KIAA1958: variants seen among roughly 807,000 people sequenced by gnomAD.
KIAA1958 encodes uncharacterized protein KIAA1958.
Under a neutral mutation model 47.2 loss-of-function variants are expected in KIAA1958, and 14 were observed. The ratio of observed to expected loss-of-function variants is 0.30; its 90% CI spans 0.20 to 0.46. KIAA1958 has a LOEUF of 0.46. Among genes scored for constraint, KIAA1958 ranks in the 20% least tolerant of loss-of-function variants. KIAA1958 has a pLI of 1.00. For synonymous variants in KIAA1958, 354 were observed against 353.3 expected, an observed-to-expected ratio of 1.00 and a Z score of -0.02; for missense variants, 803 against 909.2, an observed-to-expected ratio of 0.88 and a Z score of 1.50.
intron 2 of KIAA1958, among the ~76,000 whole-genome samples, chr9:112,627,343 G>A (rs990861329): frequency 6.6e-6 from 1 of 152,166 alleles, no homozygotes; most frequent in African/African-American, 2.4e-5. Flanking sequence ...AATGACTAGC[G>A]GTAGAATTTC....
At chr9:112,611,679 A>G (rs889634674) in intron 2 of KIAA1958, among the ~76,000 whole-genome samples, 2 of 152,124 alleles carry the variant, frequency 1.3e-5, no homozygotes, top group Non-Finnish European at 2.9e-5. Context: ...CTTAGTATAC[A>G]TTTAATTTTA....
intron 3 of KIAA1958, among the ~76,000 whole-genome samples, chr9:112,657,268 T>A (rs936871556): frequency 6.6e-6 from 1 of 151,812 alleles, no homozygotes; most frequent in African/African-American, 2.4e-5. Context: ...AATTTTTGTA[T>A]TTTTTTAGTA....
rs564763879 is a variant in KIAA1958 at position 112,636,796 on chromosome 9, A to G, written c.1172-8854A>G. The stretch of plus-strand genomic sequence containing the variant: ...AGGTGTATTTTTCCCCCAGGAGAAT[A>G]TAGCTGAATATTGTTCCTTTGCCCA... On this transcript the variant is annotated intron_variant, in intron 2 of 3. Coordinates refer to ENST00000337530, the MANE Select transcript of KIAA1958 (RefSeq NM_133465.4). 3.3e-5 allele frequency among the ~76,000 whole-genome samples: 5 copies of G among 152,268 alleles called. No homozygotes were observed. The South Asian group carries it at 6.2e-4, about 19-fold the overall frequency.
At chr9:112,635,860 A>G (rs1836796679) in intron 2 of KIAA1958, among the ~76,000 whole-genome samples, 1 of 151,626 alleles carries the variant, frequency 6.6e-6, no homozygotes, top group Non-Finnish European at 1.5e-5. Context: ...TTATTGATTT[A>G]TGTTCTTAAT....
intron 1 of KIAA1958, among the ~76,000 whole-genome samples, chr9:112,488,719 T>C (rs963309474): frequency 4.6e-5 from 7 of 152,234 alleles, no homozygotes; most frequent in Non-Finnish European, 8.8e-5. Context: ...AAATTATGTA[T>C]TTAAATTTTC....
chr9:112,594,634 G>A (rs1347110240), intron 2 of KIAA1958, among the ~76,000 whole-genome samples: 1 of 152,178 alleles, frequency 6.6e-6, no homozygotes, highest in Non-Finnish European at 1.5e-5. Flanking sequence ...AGGAAGTGAT[G>A]GGTATTTGGG....
rs186189538 is a variant in KIAA1958 at position 112,627,663 on chromosome 9, A to G, written c.1172-17987A>G. ...CAGCTACTTGGGAGGCTGAGGCAGG[A>G]GCATTGCTTGAGCCTGGGAGGTGGA... On this transcript the variant is annotated intron_variant, in intron 2 of 3. Coordinates refer to ENST00000337530, the MANE Select transcript of KIAA1958 (RefSeq NM_133465.4). Among the ~76,000 whole-genome samples, 49 of 152,334 alleles carry G rather than the reference A, an allele frequency of 3.2e-4. No individual in the cohort carries two copies. The East Asian group carries it at 8.9e-3, about 28-fold the overall frequency.
chr9:112,573,879 T>G (rs1201844935), intron 1 of KIAA1958, among the ~76,000 whole-genome samples, 178 bp from the exon 2 acceptor site: 1 of 152,196 alleles, frequency 6.6e-6, no homozygotes, highest in Non-Finnish European at 1.5e-5. Context: ...CAGCTGTTTT[T>G]ACTTTTCCTG....
chr9:112,503,574 A>T (rs532125495), intron 1 of KIAA1958, among the ~76,000 whole-genome samples: 1 of 140,476 alleles, frequency 7.1e-6, no homozygotes, highest in South Asian at 2.3e-4. Context: ...CTGTGTTCAT[A>T]CCACTGTACT....
In KIAA1958 at chr9:112,510,120, T is replaced by A. The variant is rs879417010; in HGVS notation, c.-25+23002T>A. 3.1e-3 allele frequency among the ~76,000 whole-genome samples: 468 copies of A among 152,292 alleles called. 5 individuals are homozygous for A. The highest frequency in any genetic ancestry group is 0.014 in the Middle Eastern group (4 of 294). ...GTTGGAGACCTTGTAAGATCAGTTATAAGTAAGGTAAGGGAGAAAGGAAAG... is the reference window on the plus strand; with the variant it reads ...GTTGGAGACCTTGTAAGATCAGTTAAAAGTAAGGTAAGGGAGAAAGGAAAG... On this transcript the variant is annotated intron_variant, in intron 1 of 3. Coordinates refer to ENST00000337530, the MANE Select transcript of KIAA1958 (RefSeq NM_133465.4).
intron 1 of KIAA1958, among the ~76,000 whole-genome samples, chr9:112,560,970 C>T (rs575482213): frequency 6.6e-5 from 10 of 152,134 alleles, no homozygotes; most frequent in Non-Finnish European, 1.0e-4. Flanking sequence ...AACTTAAATA[C>T]CACTTTCTCA....
chr9:112,557,117 C>G (rs1450791644), intron 1 of KIAA1958, among the ~76,000 whole-genome samples: 1 of 152,010 alleles, frequency 6.6e-6, no homozygotes, highest in African/African-American at 2.4e-5. Flanking sequence ...TACCACCACA[C>G]AAGGCTAATT....
intron 2 of KIAA1958, among the ~76,000 whole-genome samples, chr9:112,576,959 T>G (rs866741755): frequency 6.6e-6 from 1 of 152,200 alleles, no homozygotes. Flanking sequence ...ACAGCCTCAC[T>G]AGTAATCTAT....
At chr9:112,529,254 G>A (rs989848939) in intron 1 of KIAA1958, among the ~76,000 whole-genome samples, 20 of 152,150 alleles carry the variant, frequency 1.3e-4, no homozygotes, top group African/African-American at 4.8e-4. Context: ...TAGTTTTAGA[G>A]TTACAGAAAA....
intron 1 of KIAA1958, among the ~76,000 whole-genome samples, chr9:112,536,376 A>G (rs569556227): frequency 6.6e-6 from 1 of 152,336 alleles, no homozygotes; most frequent in African/African-American, 2.4e-5. Context: ...AATACTCAGC[A>G]GACTTTTTCA....
chr9:112,610,698 T>C (rs1285824499), intron 2 of KIAA1958, among the ~76,000 whole-genome samples: 1 of 152,174 alleles, frequency 6.6e-6, no homozygotes, highest in Admixed American at 6.5e-5. Context: ...ACCTAGATGG[T>C]TCCACACGTG....
chr9:112,653,631 G>A (rs137933157), intron 3 of KIAA1958, among the ~76,000 whole-genome samples: 98 of 152,126 alleles, frequency 6.4e-4, no homozygotes, highest in African/African-American at 2.3e-3. Context: ...CAGGCCACGT[G>A]CGGTCACACC....
intron 1 of KIAA1958, among the ~76,000 whole-genome samples, chr9:112,539,682 ATT>A (rs976567243): frequency 2.7e-5 from 4 of 150,084 alleles, no homozygotes; most frequent in Non-Finnish European, 4.4e-5. Flanking sequence ...ATATATATAT[ATT>A]TTTTTTGCGG....
chr9:112,620,413 CA>C (rs1462381129), intron 2 of KIAA1958, among the ~76,000 whole-genome samples: 2 of 152,108 alleles, frequency 1.3e-5, no homozygotes, highest in Non-Finnish European at 2.9e-5. Context: ...AGTGTATAAC[CA>C]GGACAAATTT....
Sources: gnomAD v4.1 joint callset for allele counts (sites outside exome capture counted in the v4.1 genomes callset) on GRCh38, gnomAD v4.1.1 for gene constraint, MANE v1.5 for transcripts, NCBI Gene and HGNC (gene_info 2026-07-23, HGNC 2026-07-21) for gene names.